Variants in TRIM71 observed in about 807,000 individuals in gnomAD.
The protein encoded by TRIM71 is E3 ubiquitin-protein ligase TRIM71.
A neutral mutation model predicts 61.2 loss-of-function variants in TRIM71; 9 were observed. That is an observed-to-expected ratio of 0.15 (90% CI 0.09 to 0.26). TRIM71 has a LOEUF of 0.26. TRIM71 is among the 10% of genes least tolerant of loss of function. The pLI is 1.00. For synonymous variants in TRIM71, 645 were observed against 553.2 expected (o/e 1.17, Z -2.33); for missense variants, 998 against 1,238.7 (o/e 0.81, Z 2.92).
At chr3:32,819,989 G>A (rs187255134) in intron 1 of TRIM71, among the ~76,000 whole-genome samples, 4 of 152,270 alleles carry the variant, frequency 2.6e-5, no homozygotes, top group East Asian at 3.9e-4. Flanking sequence ...TTCCACTTTG[G>A]TATTATGCGA....
At chr3:32,837,187 C>A (rs1696344546) in intron 1 of TRIM71, among the ~76,000 whole-genome samples, 1 of 152,202 alleles carries the variant, frequency 6.6e-6, no homozygotes, top group African/African-American at 2.4e-5. Flanking sequence ...TAAGCGTATG[C>A]AATGCCATCT....
rs1697039740 is a variant in TRIM71, at chr3:32,892,657, C to CT, written c.*850dup. The CT allele has an allele frequency of 6.6e-6, 1 of 152,206 alleles. No individual in the cohort carries two copies. Among genetic ancestry groups the CT allele is most frequent in the Non-Finnish European group, 1.5e-5 (1 of 68,040 alleles). The allele number at this position is 152,206 out of a possible 1,614,324, so 9.4% of individuals were successfully genotyped here. On this transcript the variant is annotated 3_prime_UTR_variant, in exon 4 of 4. Transcript: ENST00000383763. The stretch of plus-strand genomic sequence containing the variant: ...CACACTGCCTCCCAAAGAACCTCTC[C>CT]TTTTCACACTTTGGTTTCTTAAAAA...
In TRIM71 at chr3:32,818,863, C is replaced by G; in HGVS notation, c.783C>G (p.Pro261=). The change falls in exon 1 of 4, where the codon CCC becomes CCG. Residue 261 remains proline (P), a synonymous_variant. Coordinates refer to ENST00000383763, the MANE Select transcript of TRIM71 (RefSeq NM_001039111.3). ...AGCTCGGGCTCGGGCCGCCCTTTCC[C>G]GGCCCGCCCTTCTCCATCCTCTCAG... The part of the protein sequence containing the change: ...AQQLGLGPPF[P]GPPFSILSVF... The G allele has an allele frequency of 6.2e-7, 1 of 1,612,398 alleles. No individual in the cohort carries two copies. The highest frequency in any genetic ancestry group is 1.1e-5 in the South Asian group (1 of 91,058).
At chr3:32,880,497 A>T (rs940135528) in intron 2 of TRIM71, among the ~76,000 whole-genome samples, 2 of 152,236 alleles carry the variant, frequency 1.3e-5, no homozygotes, top group Non-Finnish European at 2.9e-5. Context: ...TTCCTAACTT[A>T]TGACTTTAAA....
chr3:32,888,198 T>C (rs1696981492), intron 3 of TRIM71, among the ~76,000 whole-genome samples: 1 of 152,160 alleles, frequency 6.6e-6, no homozygotes, highest in South Asian at 2.1e-4. Flanking sequence ...AAGGGCTCTT[T>C]TGGAAATAAT....
chr3:32,896,354 C>T lies in TRIM71; in HGVS notation c.*4543C>T, dbSNP rs984921049. The T allele has an allele frequency of 6.6e-6, 1 of 152,172 alleles. No individual in the cohort carries two copies. Among genetic ancestry groups the T allele is most frequent in the Non-Finnish European group, 1.5e-5 (1 of 68,034 alleles). The allele number at this position is 152,172 out of a possible 1,614,324, so 9.4% of individuals were successfully genotyped here. A position where few individuals can be genotyped will look rare whatever the true frequency, so the allele number is the denominator to read the frequency against. ...CATCACCATGATGTTGCAACAATCA[C>T]TGTTTTGACTGAGCAGTGACTGTTG... On this transcript the variant is annotated 3_prime_UTR_variant, in exon 4 of 4. Transcript: ENST00000383763.
intron 1 of TRIM71, among the ~76,000 whole-genome samples, chr3:32,833,318 A>G (rs919423422): frequency 6.6e-6 from 1 of 152,038 alleles, no homozygotes; most frequent in African/African-American, 2.4e-5. Flanking sequence ...AACTGACTGG[A>G]ATTTCTATGA....
chr3:32,866,390 G>T (rs896487154), intron 1 of TRIM71, among the ~76,000 whole-genome samples: 1 of 151,956 alleles, frequency 6.6e-6, no homozygotes, highest in Non-Finnish European at 1.5e-5. Context: ...GGATTACAGG[G>T]CCTGCCCCCA....
At chr3:32,850,253 T>A (rs1461549856) in intron 1 of TRIM71, among the ~76,000 whole-genome samples, 1 of 150,682 alleles carries the variant, frequency 6.6e-6, no homozygotes, top group Non-Finnish European at 1.5e-5. Context: ...GCATTGCTAA[T>A]TGGGAATACA....
chr3:32,825,508 T>G (rs915772504), intron 1 of TRIM71, among the ~76,000 whole-genome samples: 1 of 152,200 alleles, frequency 6.6e-6, no homozygotes, highest in Non-Finnish European at 1.5e-5. Flanking sequence ...GTGTTCATTC[T>G]TAGCAAATAA....
intron 3 of TRIM71, among the ~76,000 whole-genome samples, chr3:32,887,329 T>TC (rs1696972173): frequency 6.6e-6 from 1 of 151,866 alleles, no homozygotes; most frequent in Non-Finnish European, 1.5e-5. Flanking sequence ...GAAAGAAGAG[T>TC]CCATCCCTTC....
chr3:32,851,054 G>A (rs1696533202), intron 1 of TRIM71, among the ~76,000 whole-genome samples: 1 of 152,138 alleles, frequency 6.6e-6, no homozygotes, highest in Non-Finnish European at 1.5e-5. Flanking sequence ...TTATGGTTCT[G>A]TCAAGCTTTT....
chr3:32,891,774 T>C lies in TRIM71; in HGVS notation c.2570T>C (p.Val857Ala), dbSNP rs775514036. The C allele has an allele frequency of 1.2e-6, 2 of 1,614,066 alleles. No homozygotes were observed. Among genetic ancestry groups the C allele is most frequent in the South Asian group, 1.1e-5 (1 of 91,090 alleles). Residue 857 changes from valine to alanine, a missense_variant, in exon 4 of 4, where the codon GTG becomes GCG. Around this residue, in one of 5 missense-constraint regions of TRIM71, gnomAD observed 95 missense variants for 159.0 expected, o/e 0.60. Coordinates refer to ENST00000383763, the MANE Select transcript of TRIM71 (RefSeq NM_001039111.3). This position sits in a 1 kb window ranked among gnomAD's most constrained non-coding sequence, Gnocchi z 8.2. ...ATCACCCCCGACGGAATGATCGTTG[T>C]GGTGGACTTTGGCAACAATCGAATC... ...IAITPDGMIV[V>A]VDFGNNRILV...
intron 1 of TRIM71, among the ~76,000 whole-genome samples, chr3:32,866,249 G>T (rs1267966258): frequency 3.3e-5 from 5 of 151,638 alleles, no homozygotes; most frequent in African/African-American, 1.2e-4. Flanking sequence ...TTGTTTGGTT[G>T]TTTATTTGTT....
chr3:32,830,881 G>C (rs1049878122), intron 1 of TRIM71, among the ~76,000 whole-genome samples: 14 of 152,122 alleles, frequency 9.2e-5, no homozygotes, highest in African/African-American at 3.1e-4. Flanking sequence ...TGCAATCTAG[G>C]CTCACTGCAA....
chr3:32,851,525 T>G (rs1696538131), intron 1 of TRIM71, among the ~76,000 whole-genome samples: 1 of 152,244 alleles, frequency 6.6e-6, no homozygotes, highest in Admixed American at 6.5e-5. Flanking sequence ...TCGCCAAGGC[T>G]GTAGTTACAG....
intron 1 of TRIM71, among the ~76,000 whole-genome samples, chr3:32,863,974 C>T (rs1006476261): frequency 6.6e-6 from 1 of 152,176 alleles, no homozygotes; most frequent in African/African-American, 2.4e-5. Flanking sequence ...TGAGCCACCA[C>T]GCCTGAACTT....
intron 1 of TRIM71, among the ~76,000 whole-genome samples, chr3:32,849,926 C>T (rs1696519299): frequency 6.6e-6 from 1 of 152,234 alleles, no homozygotes; most frequent in Non-Finnish European, 1.5e-5. Context: ...TTGAAGGTAG[C>T]TCCTATCTAG....
chr3:32,868,622 C>T (rs369856426), intron 1 of TRIM71, among the ~76,000 whole-genome samples: 41 of 149,144 alleles, frequency 2.7e-4, no homozygotes, highest in Admixed American at 1.9e-3. Context: ...AACTAAGTTA[C>T]GCCTAGAATA....
Sources: gnomAD v4.1 joint callset for allele counts (sites outside exome capture counted in the v4.1 genomes callset) on GRCh38, gnomAD v4.1.1 for gene constraint, gnomAD v4.1.1 regional missense constraint, Gnocchi (gnomAD v3.1) non-coding constraint, MANE v1.5 for transcripts, NCBI Gene and HGNC (gene_info 2026-07-23, HGNC 2026-07-21) for gene names.